Variants in NUP153 observed in about 807,000 individuals in gnomAD.
NUP153 encodes the protein nuclear pore complex protein Nup153.
Under a neutral mutation model 134.6 loss-of-function variants are expected in NUP153, and 27 were observed. The ratio of observed to expected loss-of-function variants is 0.20; its 90% CI spans 0.15 to 0.28. The LOEUF is 0.28. NUP153 is among the 10% of genes least tolerant of loss of function. The pLI is 1.00. For missense variants in NUP153, 1,821 were observed against 1,731.3 expected (o/e 1.05, Z -0.92); for synonymous variants, 640 against 623.5 (o/e 1.03, Z -0.40).
At chr6:17,701,504 A>C (rs1346464920) in intron 1 of NUP153, among the ~76,000 whole-genome samples, 27 of 151,702 alleles carry the variant, frequency 1.8e-4, no homozygotes, top group Admixed American at 6.6e-5. Flanking sequence ...TCTACTAAAA[A>C]TACAAAAATT....
intron 2 of NUP153, among the ~76,000 whole-genome samples, chr6:17,687,250 G>A (rs1013329509): frequency 2.6e-5 from 4 of 152,094 alleles, no homozygotes; most frequent in Admixed American, 6.6e-5. Flanking sequence ...GAAGACAGTC[G>A]CTGTGGATAT....
intron 2 of NUP153, among the ~76,000 whole-genome samples, chr6:17,676,358 G>C (rs1252371038): frequency 6.6e-6 from 1 of 152,072 alleles, no homozygotes. Context: ...AATTCCCAGA[G>C]TCTTTATTCC....
Position 17,629,386 on chromosome 6 carries a change from G to C in NUP153, c.2813C>G (p.Ser938Cys). Residue 938 changes from serine (S) to cysteine (C), a missense_variant, in exon 18 of 22, where the codon TCC becomes TGC. Transcript: ENST00000262077. Reference protein sequence around the residue: ...DQGGFKIGVSSDSGSINPMSE... With the variant: ...DQGGFKIGVSCDSGSINPMSE... ...CATGGGGTTTATAGACCCAGAATCGGATGACACACCTATTTTGAATCCTCC... is the reference window on the plus strand; with the variant it reads ...CATGGGGTTTATAGACCCAGAATCGCATGACACACCTATTTTGAATCCTCC... The C allele has an allele frequency of 6.2e-7, 1 of 1,613,998 alleles. No individual in the cohort carries two copies. Among genetic ancestry groups the C allele is most frequent in the Non-Finnish European group, 8.5e-7 (1 of 1,179,940 alleles).
intron 2 of NUP153, among the ~76,000 whole-genome samples, chr6:17,677,916 CTT>C (rs541394447): frequency 6.6e-6 from 1 of 151,206 alleles, no homozygotes; most frequent in South Asian, 2.1e-4. Context: ...TCAATATTAA[CTT>C]TGTGTCAATT....
chr6:17,694,509 T>A (rs946058542), intron 1 of NUP153, among the ~76,000 whole-genome samples: 1 of 147,556 alleles, frequency 6.8e-6, no homozygotes, highest in Non-Finnish European at 1.5e-5. Flanking sequence ...AATACAAAAT[T>A]CAGCTGGGCA....
In NUP153 at chr6:17,615,209, C is replaced by A. The variant is rs894834247; in HGVS notation, c.*888G>T. On this transcript the variant is annotated 3_prime_UTR_variant, in exon 22 of 22. Coordinates refer to ENST00000262077, the MANE Select transcript of NUP153 (RefSeq NM_005124.4). The surrounding 1 kb of genome is among the most constrained non-coding windows in gnomAD (Gnocchi z 5.7). ...ACTTTGTACAATACTGGTTTTTGGT[C>A]CAAACAAAACTGGATCAGAAAAGCC... 6.6e-6 allele frequency: 1 copy of A among 152,468 alleles called. No individual in the cohort carries two copies. The highest frequency in any genetic ancestry group is 1.5e-5 in the Non-Finnish European group (1 of 68,014). 9.4% of individuals were successfully genotyped at this position (152,468 alleles called of 1,614,324 possible).
intron 20 of NUP153, among the ~76,000 whole-genome samples, chr6:17,624,052 AT>A (rs1764787218): frequency 6.6e-6 from 1 of 152,202 alleles, no homozygotes; most frequent in African/African-American, 2.4e-5. Context: ...TTAGAAAAAA[AT>A]CAACAACAAT....
At chr6:17,695,212 T>C (rs951723632) in intron 1 of NUP153, among the ~76,000 whole-genome samples, 4 of 152,312 alleles carry the variant, frequency 2.6e-5, no homozygotes, top group African/African-American at 9.6e-5. Flanking sequence ...CTGTAGTTTA[T>C]ATATCTAGTC....
At chr6:17,673,455 C>G (rs1768035651) in intron 5 of NUP153, among the ~76,000 whole-genome samples, 1 of 152,098 alleles carries the variant, frequency 6.6e-6, no homozygotes, top group Non-Finnish European at 1.5e-5. Context: ...TATTTGTACC[C>G]TGAAAAATGA....
chr6:17,662,456 C>T (rs991462685), intron 9 of NUP153, among the ~76,000 whole-genome samples: 1 of 152,100 alleles, frequency 6.6e-6, no homozygotes, highest in Admixed American at 6.5e-5. Flanking sequence ...TGAAAGGAAT[C>T]AAGACTTCTT....
chr6:17,629,579 A>ACTGATC (rs764023695), intron 17 of NUP153, 40 bp from the exon 18 acceptor site: 1 of 1,515,096 alleles, frequency 6.6e-7, no homozygotes, highest in Non-Finnish European at 8.8e-7. Context: ...CACTCAATGT[A>ACTGATC]CTGATCCTCT....
At chr6:17,701,842 G>C (rs760223730) in intron 1 of NUP153, among the ~76,000 whole-genome samples, 5 of 103,030 alleles carry the variant, frequency 4.9e-5, no homozygotes, top group Admixed American at 2.9e-4. Flanking sequence ...CGGGGGGGGG[G>C]GGAAAAAAGC....
chr6:17,667,237 T>C (rs1177403252), intron 8 of NUP153, among the ~76,000 whole-genome samples: 1 of 152,166 alleles, frequency 6.6e-6, no homozygotes, highest in Non-Finnish European at 1.5e-5. Flanking sequence ...TCCAAATGTC[T>C]AGGTAATTCC....
intron 20 of NUP153, among the ~76,000 whole-genome samples, chr6:17,620,215 T>C (rs755357755): frequency 4.8e-4 from 72 of 149,824 alleles, no homozygotes; most frequent in Non-Finnish European, 8.6e-4. Context: ...AAAGCTGAGG[T>C]ATCATACTAT....
At chr6:17,689,232 A>AAAAAAATACC (rs1769130526) in intron 1 of NUP153, among the ~76,000 whole-genome samples, 1 of 151,894 alleles carries the variant, frequency 6.6e-6, no homozygotes, top group African/African-American at 2.4e-5. Flanking sequence ...CTAAAAATAC[A>AAAAAAATACC]AAAAATTAGC....
intron 11 of NUP153, 113 bp downstream of exon 11, chr6:17,661,540 G>A: frequency 1.1e-6 from 1 of 944,622 alleles, no homozygotes; most frequent in South Asian, 3.0e-5. Context: ...TTCAATAGCA[G>A]ATTAATTTTG....
intron 16 of NUP153, among the ~76,000 whole-genome samples, chr6:17,636,605 A>G (rs571019616): frequency 4.6e-5 from 7 of 152,314 alleles, no homozygotes; most frequent in African/African-American, 1.7e-4. Context: ...AAGATTCAAT[A>G]TGAATCTTCA....
chr6:17,674,750 C>T (rs544675740), intron 5 of NUP153, among the ~76,000 whole-genome samples, 155 bp downstream of exon 5: 2 of 151,098 alleles, frequency 1.3e-5, no homozygotes, highest in Admixed American at 6.6e-5. Context: ...CCAGCCTGGG[C>T]GACAGAGCCA....
At chr6:17,655,459 T>C (rs923195421) in intron 11 of NUP153, among the ~76,000 whole-genome samples, 61 of 28,246 alleles carry the variant, frequency 2.2e-3, no homozygotes, top group African/African-American at 9.2e-3. Context: ...TTATTATTAC[T>C]TTTTTTTTTT....
Sources: gnomAD v4.1 joint callset for allele counts (sites outside exome capture counted in the v4.1 genomes callset) on GRCh38, gnomAD v4.1.1 for gene constraint, Gnocchi (gnomAD v3.1) non-coding constraint, MANE v1.5 for transcripts, NCBI Gene and HGNC (gene_info 2026-07-23, HGNC 2026-07-21) for gene names.